Variants in LYNX1 observed in about 807,000 individuals in gnomAD.
The protein encoded by LYNX1 is ly-6/neurotoxin-like protein 1.
Under a neutral mutation model 8.3 loss-of-function variants are expected in LYNX1, and 8 were observed. The observed-to-expected ratio is 0.97, with a 90% CI of 0.57 to 1.74. The LOEUF is 1.74. Among genes scored for constraint, LYNX1 ranks in the 40% most tolerant of loss-of-function variants. The pLI is 0.00. For synonymous variants in LYNX1, 73 were observed against 67.9 expected, an observed-to-expected ratio of 1.08 and a Z score of -0.37; for missense variants, 158 against 159.7, an observed-to-expected ratio of 0.99 and a Z score of 0.06.
chr8:142,771,805 C>A lies in LYNX1; in HGVS notation c.*3362G>T. 1 of 985,860 alleles carries A rather than the reference C, an allele frequency of 1.0e-6. No individual in the cohort carries two copies. Among genetic ancestry groups the A allele is most frequent in the Non-Finnish European group, 1.2e-6 (1 of 829,990 alleles). 61.1% of individuals were successfully genotyped at this position (985,860 alleles called of 1,614,324 possible). A position where few individuals can be genotyped will look rare whatever the true frequency, so the allele number is the denominator to read the frequency against. On this transcript the variant is annotated 3_prime_UTR_variant, in exon 4 of 4. Coordinates refer to ENST00000652477, the MANE Select transcript of LYNX1 (RefSeq NM_177477.4). Reference sequence around the variant, plus strand: ...GGGAGGCGGCAGCTGGCCTGGCTCCCCCACTTCCCCAGGACCTCCGCCTGG... The same window carrying A: ...GGGAGGCGGCAGCTGGCCTGGCTCCACCACTTCCCCAGGACCTCCGCCTGG...
chr8:142,771,760 A>C lies in LYNX1; in HGVS notation c.*3407T>G, dbSNP rs1246891326. ...CAAATCGCCTTCATGAGAGATGACG[A>C]ATCAGATGCTACATAGTGGGGGAGG... On this transcript the variant is annotated 3_prime_UTR_variant, in exon 4 of 4. Coordinates refer to ENST00000652477, the MANE Select transcript of LYNX1 (RefSeq NM_177477.4). 1.0e-6 allele frequency: 1 copy of C among 985,620 alleles called. No homozygotes were observed. The highest frequency in any genetic ancestry group is 6.1e-5 in the Admixed American group (1 of 16,264). The allele number at this position is 985,620 out of a possible 1,614,324, so 61.1% of individuals were successfully genotyped here. A position where few individuals can be genotyped will look rare whatever the true frequency, so the allele number is the denominator to read the frequency against.
Position 142,774,148 on chromosome 8 carries a change from C to CCAG in LYNX1, c.*1018_*1019insCTG. 2 of 972,164 alleles carry CCAG rather than the reference C, an allele frequency of 2.1e-6. No individual in the cohort carries two copies. Among genetic ancestry groups the CCAG allele is most frequent in the Non-Finnish European group, 2.4e-6 (2 of 818,730 alleles). 60.2% of individuals were successfully genotyped at this position (972,164 alleles called of 1,614,324 possible). On this transcript the variant is annotated 3_prime_UTR_variant, in exon 4 of 4. Coordinates refer to ENST00000652477, the MANE Select transcript of LYNX1 (RefSeq NM_177477.4). Reference sequence around the variant, plus strand: ...GCGGGGGAGGGGCTGGGTCTCCGCCCTCCCCACCCCACCCTCCCCACTCCC... The same window carrying CCAG: ...GCGGGGGAGGGGCTGGGTCTCCGCCCCAGTCCCCACCCCACCCTCCCCACTCCC...
Position 142,772,826 on chromosome 8 carries a change from A to G in LYNX1, c.*2341T>C. 1 of 985,804 alleles carries G rather than the reference A, an allele frequency of 1.0e-6. No individual in the cohort carries two copies. Among genetic ancestry groups the G allele is most frequent in the South Asian group, 4.7e-5 (1 of 21,290 alleles). 61.1% of individuals were successfully genotyped at this position (985,804 alleles called of 1,614,324 possible). On this transcript the variant is annotated 3_prime_UTR_variant, in exon 4 of 4. Transcript: ENST00000652477. ...TTCTGTGTGCTCTACGCCAGGTGCC[A>G]AGGGCAGGCCAGCCAGGCAGAACCA...
At position 142,771,232 on chromosome 8, in the gene LYNX1, T is replaced by A. The variant is rs1401421058; in HGVS notation, c.*3935A>T. On this transcript the variant is annotated 3_prime_UTR_variant, in exon 4 of 4. Transcript: ENST00000652477. ...ATCTGTTGATTTATTTACGGCTCGG[T>A]GAGACGACGCTGGACGCTGGTTAGG... 1 of 984,966 alleles carries A rather than the reference T, an allele frequency of 1.0e-6. No individual in the cohort carries two copies. Among genetic ancestry groups the A allele is most frequent in the East Asian group, 1.1e-4 (1 of 8,786 alleles). 61.0% of individuals were successfully genotyped at this position (984,966 alleles called of 1,614,324 possible).
Position 142,773,313 on chromosome 8 carries a change from G to A in LYNX1, c.*1854C>T, listed in dbSNP as rs587771376. 9.1e-6 allele frequency: 9 copies of A among 985,498 alleles called. No individual in the cohort carries two copies. The highest frequency in any genetic ancestry group is 1.1e-4 in the East Asian group (1 of 8,808). The allele number at this position is 985,498 out of a possible 1,614,324, so 61.0% of individuals were successfully genotyped here. A position where few individuals can be genotyped will look rare whatever the true frequency, so the allele number is the denominator to read the frequency against. ...GGCAGCCTCCCAGACACCCCGGGCC[G>A]GTCCTGCTCTCCAGGCTTAGGGCTA... On this transcript the variant is annotated 3_prime_UTR_variant, in exon 4 of 4. Transcript: ENST00000652477.
At position 142,776,050 on chromosome 8, in the gene LYNX1, A is replaced by AG; in HGVS notation, c.-94dup. On this transcript the variant is annotated 5_prime_UTR_variant, in exon 2 of 4. Transcript: ENST00000652477. Reference sequence around the variant, plus strand: ...GGGTGGCGCACAGAGGATCCAACTCAGGGTGGTGCGCAGAGGACGTGGGGC... The same window carrying AG: ...GGGTGGCGCACAGAGGATCCAACTCAGGGGTGGTGCGCAGAGGACGTGGGGC... 1 of 1,474,796 alleles carries AG rather than the reference A, an allele frequency of 6.8e-7. No homozygotes were observed. Among genetic ancestry groups the AG allele is most frequent in the Non-Finnish European group, 9.4e-7 (1 of 1,068,726 alleles). 91.4% of individuals were successfully genotyped at this position (1,474,796 alleles called of 1,614,324 possible).
In LYNX1 at chr8:142,772,351, C is replaced by A. The variant is rs2130096784; in HGVS notation, c.*2816G>T. The A allele has an allele frequency of 1.0e-6, 1 of 985,616 alleles. No homozygotes were observed. The highest frequency in any genetic ancestry group is 1.1e-4 in the East Asian group (1 of 8,808). 61.1% of individuals were successfully genotyped at this position (985,616 alleles called of 1,614,324 possible). A position where few individuals can be genotyped will look rare whatever the true frequency, so the allele number is the denominator to read the frequency against. ...TGCCACTCTGCCCTGCACCCAGAGG[C>A]AGCGCTGGAGGCCTTACTCTACCAC... On this transcript the variant is annotated 3_prime_UTR_variant, in exon 4 of 4. Transcript: ENST00000652477.
rs944821485 is a variant in LYNX1 at position 142,773,822 on chromosome 8, G to A, written c.*1345C>T. On this transcript the variant is annotated 3_prime_UTR_variant, in exon 4 of 4. Transcript: ENST00000652477. ...CCTGCCCATGCGGGATGGCTTGAAG[G>A]GTTTCTCAGGACACCAGAGCTGGGA... is the stretch of plus-strand genomic sequence containing the variant. 2.0e-6 allele frequency: 2 copies of A among 985,248 alleles called. No homozygotes were observed. Among genetic ancestry groups the A allele is most frequent in the African/African-American group, 1.7e-5 (1 of 57,202 alleles). 61.0% of individuals were successfully genotyped at this position (985,248 alleles called of 1,614,324 possible).
At chr8:142,776,457 G>C (rs999634127) in intron 1 of LYNX1, 2 of 188,534 alleles carry the variant, frequency 1.1e-5, no homozygotes, top group Non-Finnish European at 2.3e-5. Flanking sequence ...GGGGATGGTT[G>C]GTGCAGAGGT....
chr8:142,772,290 GC>G lies in LYNX1; in HGVS notation c.*2876del. The G allele has an allele frequency of 1.0e-6, 1 of 985,856 alleles. No homozygotes were observed. The highest frequency in any genetic ancestry group is 1.2e-6 in the Non-Finnish European group (1 of 830,006). 61.1% of individuals were successfully genotyped at this position (985,856 alleles called of 1,614,324 possible). On this transcript the variant is annotated 3_prime_UTR_variant, in exon 4 of 4. Transcript: ENST00000652477. ...GAGAGATCCCCGAAGTGGGAACTGG[GC>G]CCCCATGGTGCCCAGTGCCTCTCCC...
chr8:142,774,383 G>C lies in LYNX1; in HGVS notation c.*784C>G. The C allele has an allele frequency of 1.0e-6, 1 of 985,794 alleles. No homozygotes were observed. Among genetic ancestry groups the C allele is most frequent in the Non-Finnish European group, 1.2e-6 (1 of 830,076 alleles). The allele number at this position is 985,794 out of a possible 1,614,324, so 61.1% of individuals were successfully genotyped here. On this transcript the variant is annotated 3_prime_UTR_variant, in exon 4 of 4. Transcript: ENST00000652477. Reference sequence around the variant, plus strand: ...TTCCCTCCCTGCCCAGAATAGCGCTGGCCGGGTCAGCGTCCAGGACCCACC... The same window carrying C: ...TTCCCTCCCTGCCCAGAATAGCGCTCGCCGGGTCAGCGTCCAGGACCCACC...
At position 142,774,227 on chromosome 8, in the gene LYNX1, C is replaced by A; in HGVS notation, c.*940G>T. On this transcript the variant is annotated 3_prime_UTR_variant, in exon 4 of 4. Transcript: ENST00000652477. ...TGCTCCGCCTTCCCACGCCCAGGCCCGCGCCGGCCCCAGGCTGCTCCCAAC... is the reference window on the plus strand; with the variant it reads ...TGCTCCGCCTTCCCACGCCCAGGCCAGCGCCGGCCCCAGGCTGCTCCCAAC... 9 of 984,966 alleles carry A rather than the reference C, an allele frequency of 9.1e-6. No homozygotes were observed. The highest frequency in any genetic ancestry group is 1.1e-5 in the Non-Finnish European group (9 of 829,782). The allele number at this position is 984,966 out of a possible 1,614,324, so 61.0% of individuals were successfully genotyped here.
In LYNX1 at chr8:142,773,119, G is replaced by T. The variant is rs370601058; in HGVS notation, c.*2048C>A. The T allele has an allele frequency of 2.0e-6, 2 of 985,498 alleles. No individual in the cohort carries two copies. The highest frequency in any genetic ancestry group is 1.7e-5 in the African/African-American group (1 of 57,352). 61.0% of individuals were successfully genotyped at this position (985,498 alleles called of 1,614,324 possible). On this transcript the variant is annotated 3_prime_UTR_variant, in exon 4 of 4. Transcript: ENST00000652477. ...ACCCGACAATGGGCTTGCGCAAGCC[G>T]CGCAGTGACTGCTCCCAGCCTCTCC...
At position 142,774,191 on chromosome 8, in the gene LYNX1, A is replaced by G. The variant is rs1323893915; in HGVS notation, c.*976T>C. The stretch of plus-strand genomic sequence containing the variant: ...CCACTCCCGCCCCCGCACGGCCACG[A>G]GAGGGTGGCATGCTCCGCCTTCCCA... On this transcript the variant is annotated 3_prime_UTR_variant, in exon 4 of 4. Transcript: ENST00000652477. The G allele has an allele frequency of 1.1e-6, 1 of 944,878 alleles. No individual in the cohort carries two copies. The highest frequency in any genetic ancestry group is 2.1e-5 in the African/African-American group (1 of 48,158). The allele number at this position is 944,878 out of a possible 1,614,324, so 58.5% of individuals were successfully genotyped here.
At position 142,776,168 on chromosome 8, in the gene LYNX1, G is replaced by A; in HGVS notation, c.-164-47C>T. On this transcript the variant is annotated intron_variant, in intron 1 of 3. Coordinates refer to ENST00000652477, the MANE Select transcript of LYNX1 (RefSeq NM_177477.4). ...CAGGTGGTCAGTACTGGGCCTGAAG[G>A]ACCCATGGGGGCCTGGGCAGGGATG... The A allele has an allele frequency of 5.0e-6, 3 of 603,316 alleles. No individual in the cohort carries two copies. The South Asian group carries it at 5.6e-5, about 11-fold the overall frequency. The allele number at this position is 603,316 out of a possible 1,614,324, so 37.4% of individuals were successfully genotyped here. A position where few individuals can be genotyped will look rare whatever the true frequency, so the allele number is the denominator to read the frequency against.
At position 142,771,535 on chromosome 8, in the gene LYNX1, G is replaced by C. The variant is rs1424445335; in HGVS notation, c.*3632C>G. On this transcript the variant is annotated 3_prime_UTR_variant, in exon 4 of 4. Coordinates refer to ENST00000652477, the MANE Select transcript of LYNX1 (RefSeq NM_177477.4). Reference sequence around the variant, plus strand: ...CTCTGTCCACCCTTCTGTCTGGGAGGCTCCTTAAGGCTGGGGAGGGCCCAG... The same window carrying C: ...CTCTGTCCACCCTTCTGTCTGGGAGCCTCCTTAAGGCTGGGGAGGGCCCAG... 4.1e-6 allele frequency: 4 copies of C among 985,280 alleles called. No homozygotes were observed. Among genetic ancestry groups the C allele is most frequent in the Non-Finnish European group, 4.8e-6 (4 of 829,950 alleles). 61.0% of individuals were successfully genotyped at this position (985,280 alleles called of 1,614,324 possible).
Position 142,773,854 on chromosome 8 carries a change from G to A in LYNX1, c.*1313C>T, listed in dbSNP as rs1815282265. On this transcript the variant is annotated 3_prime_UTR_variant, in exon 4 of 4. Coordinates refer to ENST00000652477, the MANE Select transcript of LYNX1 (RefSeq NM_177477.4). ...CAGGACACCAGAGCTGGGAGCACTG[G>A]TCAGGTGGGGGCCTCAGGTGCAGCG... 3.0e-6 allele frequency: 3 copies of A among 985,242 alleles called. No homozygotes were observed. The Admixed American group carries it at 1.8e-4, about 61-fold the overall frequency. 61.0% of individuals were successfully genotyped at this position (985,242 alleles called of 1,614,324 possible).
At chr8:142,775,823 G>C in intron 2 of LYNX1, 83 bp downstream of exon 2, 2 of 1,588,218 alleles carry the variant, frequency 1.3e-6, no homozygotes, top group South Asian at 2.2e-5. Flanking sequence ...GTTGTCGCTG[G>C]GAATTCTAGC....
In LYNX1 at chr8:142,771,633, C is replaced by T; in HGVS notation, c.*3534G>A. ...GCTGAGGTTTGAAGAGGAGAGCAGA[C>T]CACCCAGAGTAGTGGGAGAAAGCAC... On this transcript the variant is annotated 3_prime_UTR_variant, in exon 4 of 4. Coordinates refer to ENST00000652477, the MANE Select transcript of LYNX1 (RefSeq NM_177477.4). 2 of 985,790 alleles carry T rather than the reference C, an allele frequency of 2.0e-6. No individual in the cohort carries two copies. The highest frequency in any genetic ancestry group is 9.4e-5 in the South Asian group (2 of 21,292). The allele number at this position is 985,790 out of a possible 1,614,324, so 61.1% of individuals were successfully genotyped here.
Sources: allele counts gnomAD v4.1 joint callset, GRCh38; gene constraint gnomAD v4.1.1; transcripts MANE v1.5; gene names NCBI Gene and HGNC (gene_info 2026-07-23, HGNC 2026-07-21).